The following CREBBP variants were observed in gnomAD, a reference collection of about 807,000 sequenced individuals.
The protein encoded by CREBBP is CREB binding lysine acetyltransferase, also known as CREB-binding protein.
A neutral mutation model predicts 265.0 loss-of-function variants in CREBBP; 19 were observed. The observed-to-expected ratio is 0.07, with a 90% CI of 0.05 to 0.11. The LOEUF (loss-of-function observed/expected upper bound fraction) is 0.11, where lower values mean the gene tolerates loss of function less well. Among genes scored for constraint, CREBBP ranks in the 10% least tolerant of loss-of-function variants. The pLI is 1.00. For synonymous variants in CREBBP, 1,457 were observed against 1,223.7 expected (o/e 1.19, Z -3.98); for missense variants, 2,525 against 3,219.0 (o/e 0.78, Z 5.22).
At chr16:3,837,824 A>G (rs1260781194) in intron 2 of CREBBP, among the ~76,000 whole-genome samples, 1 of 152,220 alleles carries the variant, frequency 6.6e-6, no homozygotes, top group African/African-American at 2.4e-5. Flanking sequence ...CTGAAATTTA[A>G]AAATAAATAA....
At chr16:3,740,910 G>T in intron 23 of CREBBP, 1 of 367,756 alleles carries the variant, frequency 2.7e-6, no homozygotes, top group South Asian at 2.2e-5. Flanking sequence ...GGGCAGAGAT[G>T]GCACACCCTC....
At chr16:3,862,495 T>G (rs1442308272) in intron 1 of CREBBP, among the ~76,000 whole-genome samples, 1 of 152,222 alleles carries the variant, frequency 6.6e-6, no homozygotes, top group Non-Finnish European at 1.5e-5. Context: ...CTTAAAACCC[T>G]CAACACAGCA....
intron 8 of CREBBP, 112 bp from the exon 9 acceptor site, chr16:3,778,929 G>A: frequency 1.2e-6 from 1 of 826,402 alleles, no homozygotes; most frequent in Non-Finnish European, 2.0e-6. Flanking sequence ...CACTTTGGGA[G>A]GCTGAGGCGG....
chr16:3,768,053 C>A, intron 15 of CREBBP, 144 bp from the exon 16 acceptor site: 1 of 737,152 alleles, frequency 1.4e-6, no homozygotes. Flanking sequence ...CTCTTCTCTT[C>A]CGGAAGAAGA....
intron 17 of CREBBP, 147 bp from the exon 18 acceptor site, chr16:3,758,195 A>C: frequency 1.2e-6 from 1 of 857,044 alleles, no homozygotes; most frequent in South Asian, 1.7e-5. Flanking sequence ...AAATGAAAAG[A>C]AAATAACCTC....
At chr16:3,842,557 T>C (rs116722338) in intron 2 of CREBBP, among the ~76,000 whole-genome samples, 90 of 152,314 alleles carry the variant, frequency 5.9e-4, no homozygotes, top group African/African-American at 2.0e-3. Flanking sequence ...ATGCCTTCTA[T>C]CACAAAAGTA....
intron 2 of CREBBP, among the ~76,000 whole-genome samples, chr16:3,831,668 A>G (rs1249718281): frequency 6.6e-6 from 1 of 152,176 alleles, no homozygotes; most frequent in Non-Finnish European, 1.5e-5. Flanking sequence ...AAGAGAGCAC[A>G]CCAGACATTA....
At chr16:3,809,915 C>T (rs2053902822) in intron 3 of CREBBP, among the ~76,000 whole-genome samples, 1 of 152,050 alleles carries the variant, frequency 6.6e-6, no homozygotes, top group Admixed American at 6.6e-5. Flanking sequence ...CACCCACCAC[C>T]AAGAGCACAC....
intron 1 of CREBBP, among the ~76,000 whole-genome samples, chr16:3,871,757 TACAACAGAA>T (rs1374788715): frequency 6.6e-6 from 1 of 152,254 alleles, no homozygotes; most frequent in Non-Finnish European, 1.5e-5. Context: ...AGATTTGCTT[TACAACAGAA>T]TTGTACAACT....
At position 3,727,608 on chromosome 16, in the gene CREBBP, A is replaced by G. The variant is rs1404391128; in HGVS notation, c.*110T>C. 1.9e-5 allele frequency: 30 copies of G among 1,583,970 alleles called. No individual in the cohort carries two copies. The highest frequency in any genetic ancestry group is 1.8e-5 in the Non-Finnish European group (21 of 1,160,590). ...TCTTTAAACATCAATCCACCCTTCC[A>G]TGGCTCGGAAGTCGCAGTTCCATCT... On this transcript the variant is annotated 3_prime_UTR_variant, in exon 31 of 31. Transcript: ENST00000262367.
At chr16:3,832,042 T>C (rs2054354093) in intron 2 of CREBBP, among the ~76,000 whole-genome samples, 1 of 151,628 alleles carries the variant, frequency 6.6e-6, no homozygotes, top group Non-Finnish European at 1.5e-5. Flanking sequence ...TAGAGAAATG[T>C]TATGAACACC....
rs2141204599 is a variant in CREBBP, at chr16:3,770,962, G to A, written c.2488C>T (p.Pro830Ser). The A allele has an allele frequency of 1.2e-6, 2 of 1,613,632 alleles. No homozygotes were observed. The highest frequency in any genetic ancestry group is 1.1e-5 in the South Asian group (1 of 91,078). Reference sequence around the variant, plus strand: ...GGCCCCAGCATGTTGAGAGGGTTAGGAAGAGCAGCACCAGGCACCTGTCCC... The same window carrying A: ...GGCCCCAGCATGTTGAGAGGGTTAGAAAGAGCAGCACCAGGCACCTGTCCC... The part of the protein sequence containing the change: ...SQGQVPGAAL[P>S]NPLNMLGPQA... Residue 830 changes from proline to serine, a missense_variant, in exon 14 of 31, where the codon CCT (proline) becomes TCT (serine). By Grantham distance (74) the Pro-to-Ser change is moderately conservative. Coordinates refer to ENST00000262367, the MANE Select transcript of CREBBP (RefSeq NM_004380.3).
intron 1 of CREBBP, among the ~76,000 whole-genome samples, chr16:3,874,858 G>A (rs2055367805): frequency 6.6e-6 from 1 of 152,242 alleles, no homozygotes; most frequent in Non-Finnish European, 1.5e-5. Flanking sequence ...GTAAGGTAAA[G>A]AGGGGTGCCC....
chr16:3,844,553 TA>T lies in CREBBP; in HGVS notation c.798+5743del, dbSNP rs1199935631. ...ACTGACTACAAACCAAAGCTCACAT[TA>T]TTCTTAATAACAGAACACTAAATAC... On this transcript the variant is annotated intron_variant, in intron 2 of 30. Coordinates refer to ENST00000262367, the MANE Select transcript of CREBBP (RefSeq NM_004380.3). Among the ~76,000 whole-genome samples the T allele has an allele frequency of 2.0e-5, 3 of 152,214 alleles. No individual in the cohort carries two copies. The East Asian group carries it at 5.8e-4, about 29-fold the overall frequency.
intron 1 of CREBBP, among the ~76,000 whole-genome samples, chr16:3,852,816 A>G (rs1045615653): frequency 6.6e-6 from 1 of 152,142 alleles, no homozygotes; most frequent in Non-Finnish European, 1.5e-5. Context: ...GGTCCCTTTC[A>G]AAGTAACTTT....
chr16:3,803,570 A>G (rs1005121983), intron 3 of CREBBP, among the ~76,000 whole-genome samples: 11 of 152,182 alleles, frequency 7.2e-5, no homozygotes, highest in African/African-American at 2.4e-4. Flanking sequence ...AGAATGATTT[A>G]TAAGTAATCT....
chr16:3,842,362 G>A (rs1480949224), intron 2 of CREBBP, among the ~76,000 whole-genome samples: 1 of 152,140 alleles, frequency 6.6e-6, no homozygotes, highest in South Asian at 2.1e-4. Flanking sequence ...CCGTAGCCAG[G>A]AAAGAGAGTG....
intron 14 of CREBBP, among the ~76,000 whole-genome samples, chr16:3,769,848 C>T (rs58060955): frequency 3.9e-5 from 6 of 152,192 alleles, no homozygotes; most frequent in East Asian, 3.9e-4. Context: ...AAAAGAATTC[C>T]TAATTTGCAA....
chr16:3,838,792 T>A (rs1273851646), intron 2 of CREBBP, among the ~76,000 whole-genome samples: 3 of 152,108 alleles, frequency 2.0e-5, no homozygotes. Flanking sequence ...AAAGCAATCC[T>A]CCCACCTCCG....
Sources: gnomAD v4.1 joint callset for allele counts (sites outside exome capture counted in the v4.1 genomes callset) on GRCh38, gnomAD v4.1.1 for gene constraint, MANE v1.5 for transcripts, NCBI Gene and HGNC (gene_info 2026-07-23, HGNC 2026-07-21) for gene names.